The following CNTNAP4 variants were observed in gnomAD, a reference collection of about 807,000 sequenced individuals.
The protein encoded by CNTNAP4 is contactin-associated protein-like 4.
CNTNAP4 carries 98 observed loss-of-function variants against 148.4 expected under a neutral mutation model. The ratio of observed to expected loss-of-function variants is 0.66; its 90% CI spans 0.56 to 0.78. The LOEUF is 0.78. CNTNAP4 is among the 30% of genes least tolerant of loss of function. The pLI is 0.00. For missense variants in CNTNAP4, 1,935 were observed against 1,565.6 expected, an observed-to-expected ratio of 1.24 and a Z score of -3.98; for synonymous variants, 730 against 565.1, an observed-to-expected ratio of 1.29 and a Z score of -4.14.
chr16:76,305,458 T>A (rs942199941), intron 1 of CNTNAP4, among the ~76,000 whole-genome samples: 3 of 152,186 alleles, frequency 2.0e-5, no homozygotes, highest in Non-Finnish European at 2.9e-5. Flanking sequence ...CATTGTTTTT[T>A]CTAAGTTGAG....
At position 76,316,614 on chromosome 16, in the gene CNTNAP4, T is replaced by C. The variant is rs922924182; in HGVS notation, c.196+91T>C. On this transcript the variant is annotated intron_variant, in intron 2 of 23. Transcript: ENST00000611870. ...TACAGTCATTATGAATGATACATGG[T>C]AAAAGAAAGTAAATTTCGAAATAAG... 5.3e-5 allele frequency: 43 copies of C among 805,994 alleles called. No homozygotes were observed. In the African/African-American group the frequency reaches 7.2e-4, roughly 13 times the overall value. The allele number at this position is 805,994 out of a possible 1,614,324, so 49.9% of individuals were successfully genotyped here.
chr16:76,391,456 T>C (rs2016987407), intron 3 of CNTNAP4, among the ~76,000 whole-genome samples: 1 of 152,252 alleles, frequency 6.6e-6, no homozygotes. Context: ...AACATTTATT[T>C]ATCTAAAATA....
At chr16:76,285,356 TA>T (rs1304040599) in intron 1 of CNTNAP4, among the ~76,000 whole-genome samples, 1 of 152,076 alleles carries the variant, frequency 6.6e-6, no homozygotes, top group Non-Finnish European at 1.5e-5. Flanking sequence ...AGTTCAAAAT[TA>T]GTAACTATAA....
At chr16:76,355,533 A>G (rs1309789474) in intron 3 of CNTNAP4, 22 bp downstream of exon 3, 3 of 1,558,546 alleles carry the variant, frequency 1.9e-6, no homozygotes, top group African/African-American at 1.4e-5. Context: ...AACAAAAGAC[A>G]TAGTCTCTCG....
At chr16:76,547,623 T>A (rs1292252533) in intron 21 of CNTNAP4, among the ~76,000 whole-genome samples, 1 of 152,240 alleles carries the variant, frequency 6.6e-6, no homozygotes, top group Non-Finnish European at 1.5e-5. Context: ...ATTTCAGTTC[T>A]GAGTTCTGTT....
intron 3 of CNTNAP4, among the ~76,000 whole-genome samples, chr16:76,400,703 G>A (rs1485889317): frequency 2.6e-5 from 4 of 152,136 alleles, no homozygotes; most frequent in African/African-American, 7.2e-5. Flanking sequence ...CGCATATTGA[G>A]TTAACTTTTG....
chr16:76,505,226 C>T (rs1042500017), intron 15 of CNTNAP4, among the ~76,000 whole-genome samples: 7 of 133,420 alleles, frequency 5.2e-5, no homozygotes, highest in African/African-American at 1.7e-4. Flanking sequence ...TGTTTATCAA[C>T]TAGTGAAAGG....
chr16:76,558,766 A>C lies in CNTNAP4; in HGVS notation c.*83A>C. 2 of 1,054,668 alleles carry C rather than the reference A, an allele frequency of 1.9e-6. No individual in the cohort carries two copies. Among genetic ancestry groups the C allele is most frequent in the Non-Finnish European group, 2.7e-6 (2 of 734,354 alleles). The allele number at this position is 1,054,668 out of a possible 1,614,324, so 65.3% of individuals were successfully genotyped here. A position where few individuals can be genotyped will look rare whatever the true frequency, so the allele number is the denominator to read the frequency against. On this transcript the variant is annotated 3_prime_UTR_variant, in exon 24 of 24. Transcript: ENST00000611870. ...TCAATGGAAAAACGAATGCTCTTACACTGAATGTACAGGCAGTGGGCTTGC... is the reference window on the plus strand; with the variant it reads ...TCAATGGAAAAACGAATGCTCTTACCCTGAATGTACAGGCAGTGGGCTTGC...
intron 4 of CNTNAP4, among the ~76,000 whole-genome samples, chr16:76,436,278 A>C (rs2079822586): frequency 6.6e-6 from 1 of 152,122 alleles, no homozygotes; most frequent in African/African-American, 2.4e-5. Flanking sequence ...TTCTTCTGGC[A>C]AGAAAGGTTC....
At chr16:76,486,918 T>C (rs1043907224) in intron 12 of CNTNAP4, among the ~76,000 whole-genome samples, 2 of 152,154 alleles carry the variant, frequency 1.3e-5, no homozygotes, top group African/African-American at 4.8e-5. Flanking sequence ...GTATGAGAGA[T>C]TGATGCTGAT....
intron 12 of CNTNAP4, 136 bp downstream of exon 12, chr16:76,479,674 A>G: frequency 2.4e-6 from 2 of 834,262 alleles, no homozygotes; most frequent in South Asian, 1.9e-5. Flanking sequence ...GAAAAACTGA[A>G]CATAAATCTT....
intron 18 of CNTNAP4, 66 bp from the exon 19 acceptor site, chr16:76,538,050 T>C (rs1176792139): frequency 1.5e-6 from 1 of 689,060 alleles, no homozygotes; most frequent in Non-Finnish European, 2.1e-6. Context: ...AATATAATTA[T>C]TGTAACTAAA....
At position 76,424,313 on chromosome 16, in the gene CNTNAP4, C is replaced by T. The variant is rs535318169; in HGVS notation, c.391-3139C>T. ...TCTTTTGGAGGGTAATTTAATTAAT[C>T]ATCCAGCTGTTCACTCTGCAAGAAA... On this transcript the variant is annotated intron_variant, in intron 3 of 23. Transcript: ENST00000611870. Among the ~76,000 whole-genome samples, 10 of 152,174 alleles carry T rather than the reference C, an allele frequency of 6.6e-5. No individual in the cohort carries two copies. The South Asian group carries it at 2.1e-3, about 32-fold the overall frequency.
intron 4 of CNTNAP4, among the ~76,000 whole-genome samples, chr16:76,433,426 T>G (rs570652714): frequency 6.6e-6 from 1 of 152,280 alleles, no homozygotes; most frequent in South Asian, 2.1e-4. Flanking sequence ...TCAATCATTT[T>G]AAAACATATT....
chr16:76,320,907 A>G (rs1962337871), intron 2 of CNTNAP4, among the ~76,000 whole-genome samples: 1 of 152,234 alleles, frequency 6.6e-6, no homozygotes. Context: ...CAAAAATAAT[A>G]TATTTACAAG....
intron 1 of CNTNAP4, 149 bp from the exon 2 acceptor site, chr16:76,316,264 A>T (rs1290104928): frequency 2.8e-6 from 2 of 702,162 alleles, no homozygotes; most frequent in Non-Finnish European, 5.3e-6. Flanking sequence ...CTAGACTTCT[A>T]GTAAGCCCTG....
At chr16:76,499,412 G>A (rs2082536120) in intron 15 of CNTNAP4, among the ~76,000 whole-genome samples, 2 of 151,886 alleles carry the variant, frequency 1.3e-5, no homozygotes, top group Middle Eastern at 6.8e-3. Context: ...GACCAGTTAA[G>A]AATGGAAAAG....
At chr16:76,467,744 C>T (rs2081228825) in intron 10 of CNTNAP4, among the ~76,000 whole-genome samples, 1 of 152,010 alleles carries the variant, frequency 6.6e-6, no homozygotes, top group Non-Finnish European at 1.5e-5. Context: ...TATGTATGGC[C>T]ACGTATGTAC....
Position 76,522,198 on chromosome 16 carries a change from C to T in CNTNAP4, c.2696C>T (p.Thr899Ile). The change falls in exon 17 of 24, where the codon ACA becomes ATA. Residue 899 changes from threonine (T) to isoleucine (I), a missense_variant. Physicochemically the swap from Thr to Ile is moderately conservative, Grantham distance 89. Transcript: ENST00000611870. ...SLQVDQLTPK[T>I]QPAPADGHVL... ...CAAGTGGATCAGCTGACACCAAAGACACAGCCCGCCCCCGCTGATGGGCAT... is the reference window on the plus strand; with the variant it reads ...CAAGTGGATCAGCTGACACCAAAGATACAGCCCGCCCCCGCTGATGGGCAT... 1 of 1,613,996 alleles carries T rather than the reference C, an allele frequency of 6.2e-7. No homozygotes were observed. Among genetic ancestry groups the T allele is most frequent in the Non-Finnish European group, 8.5e-7 (1 of 1,179,894 alleles).
Sources: gnomAD v4.1 joint callset for allele counts (sites outside exome capture counted in the v4.1 genomes callset) on GRCh38, gnomAD v4.1.1 for gene constraint, MANE v1.5 for transcripts, NCBI Gene and HGNC (gene_info 2026-07-23, HGNC 2026-07-21) for gene names.